VPS13B: variants seen among roughly 807,000 people sequenced by gnomAD.
VPS13B encodes the protein vacuolar protein sorting 13 homolog B.
A neutral mutation model predicts 426.4 loss-of-function variants in VPS13B; 285 were observed. The ratio of observed to expected loss-of-function variants is 0.67; its 90% CI spans 0.61 to 0.74. The LOEUF (loss-of-function observed/expected upper bound fraction) is 0.74, where lower values mean the gene tolerates loss of function less well. VPS13B is among the 30% of genes least tolerant of loss of function. The probability of loss-of-function intolerance (pLI) is 0.00; values close to 1 mark genes in which losing one functional copy is unlikely to be tolerated. For missense variants in VPS13B, 4,537 were observed against 4,782.6 expected (o/e 0.95, Z 1.51); for synonymous variants, 1,676 against 1,676.4 (o/e 1.00, Z 0.01).
chr8:99,510,463 A>G (rs1277151209), intron 28 of VPS13B, among the ~76,000 whole-genome samples: 3 of 152,214 alleles, frequency 2.0e-5, no homozygotes, highest in Non-Finnish European at 4.4e-5. Context: ...ATGAAAAATT[A>G]TCACGAAATG....
chr8:99,661,545 G>T, intron 35 of VPS13B, 54 bp downstream of exon 35: 1 of 1,586,714 alleles, frequency 6.3e-7, no homozygotes. Context: ...GAATATATTA[G>T]CATGTATATA....
intron 19 of VPS13B, among the ~76,000 whole-genome samples, chr8:99,304,360 C>G (rs1820530844): frequency 6.6e-6 from 1 of 151,410 alleles, no homozygotes. Flanking sequence ...TAAAGAAATT[C>G]ATATTTTCTA....
chr8:99,875,456 C>T lies in VPS13B; in HGVS notation c.11784C>T (p.Tyr3928=). The T allele has an allele frequency of 6.2e-7, 1 of 1,614,166 alleles. No homozygotes were observed. The highest frequency in any genetic ancestry group is 8.5e-7 in the Non-Finnish European group (1 of 1,179,988). Residue 3928 remains tyrosine, a synonymous_variant, in exon 62 of 62, where the codon TAC becomes TAT. Transcript: ENST00000357162. ...GVRERLSEQQ[Y]NRLVDYITKT... ...GAGAGAGACTGTCAGAGCAACAGTACAACAGACTGGTGGACTACATCACAA... is the reference window on the plus strand; with the variant it reads ...GAGAGAGACTGTCAGAGCAACAGTATAACAGACTGGTGGACTACATCACAA...
intron 28 of VPS13B, among the ~76,000 whole-genome samples, chr8:99,508,502 A>G (rs908369956): frequency 6.6e-6 from 1 of 152,100 alleles, no homozygotes; most frequent in Admixed American, 6.6e-5. Context: ...TTAATTTTTA[A>G]TAGTGTATTT....
intron 19 of VPS13B, among the ~76,000 whole-genome samples, chr8:99,282,189 C>T (rs1819206531): frequency 6.6e-6 from 1 of 152,108 alleles, no homozygotes; most frequent in African/African-American, 2.4e-5. Flanking sequence ...CAAAAGCCTC[C>T]ACCACCCCAC....
chr8:99,079,567 A>AT (rs770680925), intron 3 of VPS13B, among the ~76,000 whole-genome samples: 4 of 152,104 alleles, frequency 2.6e-5, no homozygotes, highest in East Asian at 3.9e-4. Flanking sequence ...CCTACTATGA[A>AT]TTTTTTTTAT....
At chr8:99,164,711 C>A (rs892133542) in intron 15 of VPS13B, among the ~76,000 whole-genome samples, 2 of 151,878 alleles carry the variant, frequency 1.3e-5, no homozygotes, top group East Asian at 3.9e-4. Flanking sequence ...TCTTCGACTT[C>A]TTCTTTGTCT....
At chr8:99,144,148 T>A (rs1810575572) in intron 13 of VPS13B, among the ~76,000 whole-genome samples, 1 of 152,060 alleles carries the variant, frequency 6.6e-6, no homozygotes, top group African/African-American at 2.4e-5. Context: ...CTCAGTACTG[T>A]GATGGCACCA....
intron 39 of VPS13B, among the ~76,000 whole-genome samples, chr8:99,742,925 A>T (rs1318825723): frequency 6.6e-6 from 1 of 152,224 alleles, no homozygotes; most frequent in African/African-American, 2.4e-5. Context: ...CAAGACAGGG[A>T]TGCCCTCTCT....
intron 2 of VPS13B, among the ~76,000 whole-genome samples, chr8:99,029,648 C>T (rs1393349629): frequency 7.3e-5 from 11 of 151,162 alleles, no homozygotes; most frequent in African/African-American, 2.7e-4. Context: ...TGGCGGCGCG[C>T]GCCTGCAATC....
rs140708021 is a variant in VPS13B, at chr8:99,364,482, G to T, written c.2825-19726G>T. Reference sequence around the variant, plus strand: ...AGGTCTCACTCTGTCACCCAGGCTGGAGTGCAGTGACATGCTCATGGCTCA... The same window carrying T: ...AGGTCTCACTCTGTCACCCAGGCTGTAGTGCAGTGACATGCTCATGGCTCA... On this transcript the variant is annotated intron_variant, in intron 19 of 61. Coordinates refer to ENST00000357162, the MANE Select transcript of VPS13B (RefSeq NM_152564.5). Among the ~76,000 whole-genome samples, 222 of 152,128 alleles carry T rather than the reference G, an allele frequency of 1.5e-3. 1 individual carries two copies. The highest frequency in any genetic ancestry group is 5.1e-3 in the African/African-American group (211 of 41,480).
chr8:99,197,161 C>T (rs2132743635), intron 17 of VPS13B, among the ~76,000 whole-genome samples: 1 of 152,248 alleles, frequency 6.6e-6, no homozygotes, highest in South Asian at 2.1e-4. Context: ...CCTTGCATCC[C>T]AAGGATAAAT....
intron 17 of VPS13B, among the ~76,000 whole-genome samples, chr8:99,216,649 C>A (rs949734254): frequency 6.7e-6 from 1 of 149,942 alleles, no homozygotes; most frequent in African/African-American, 2.5e-5. Flanking sequence ...ATCGTAGCCA[C>A]CAGTCACATG....
chr8:99,720,575 TGA>T (rs767530421), intron 38 of VPS13B, 23 bp downstream of exon 38: 5 of 1,606,324 alleles, frequency 3.1e-6, no homozygotes, highest in Non-Finnish European at 4.3e-6. Flanking sequence ...AGACTCAGTA[TGA>T]GAGTGTCTCT....
intron 21 of VPS13B, among the ~76,000 whole-genome samples, chr8:99,396,327 A>G (rs1195100935): frequency 6.6e-6 from 1 of 152,086 alleles, no homozygotes; most frequent in East Asian, 1.9e-4. Context: ...CAAAGAGGTC[A>G]AGCAACTTAT....
intron 30 of VPS13B, among the ~76,000 whole-genome samples, chr8:99,540,061 ATATTTTTTTTTTTTTTTTTTTTT>A (rs1823527562): frequency 1.8e-4 from 1 of 5,694 alleles, no homozygotes; most frequent in African/African-American, 6.3e-4. Context: ...ATATATATAT[ATATTTTTTTTTTTTTTTTTTTTT>A]TTTTTTTTTT....
intron 19 of VPS13B, among the ~76,000 whole-genome samples, chr8:99,322,676 A>G (rs1285896997): frequency 6.6e-6 from 1 of 152,228 alleles, no homozygotes. Context: ...TGGGAAGTAT[A>G]AACATGCAAA....
intron 12 of VPS13B, among the ~76,000 whole-genome samples, chr8:99,138,074 A>G (rs1306231099): frequency 6.6e-6 from 1 of 152,176 alleles, no homozygotes; most frequent in Non-Finnish European, 1.5e-5. Context: ...TAACAGTGGT[A>G]TCACTGTTAC....
chr8:99,260,815 A>C, intron 17 of VPS13B, among the ~76,000 whole-genome samples: 1 of 152,010 alleles, frequency 6.6e-6, no homozygotes, highest in East Asian at 1.9e-4. Context: ...AAAAATACTT[A>C]ATTTTCTATT....
Sources: gnomAD v4.1 joint callset for allele counts (sites outside exome capture counted in the v4.1 genomes callset) on GRCh38, gnomAD v4.1.1 for gene constraint, MANE v1.5 for transcripts, NCBI Gene and HGNC (gene_info 2026-07-23, HGNC 2026-07-21) for gene names.